Variants in MYO5A observed in about 807,000 individuals in gnomAD.
MYO5A encodes the protein unconventional myosin-Va.
A neutral mutation model predicts 249.7 loss-of-function variants in MYO5A; 98 were observed. That is an observed-to-expected ratio of 0.39 (90% CI 0.33 to 0.46). The LOEUF is 0.46. Ranked by LOEUF, MYO5A falls within the 20% of genes least tolerant of loss-of-function variation. MYO5A has a pLI of 0.98. For missense variants in MYO5A, 1,696 were observed against 2,308.8 expected (o/e 0.73, Z 5.44); for synonymous variants, 778 against 810.6 (o/e 0.96, Z 0.68).
intron 1 of MYO5A, among the ~76,000 whole-genome samples, chr15:52,481,546 C>T (rs922289084): frequency 6.6e-6 from 1 of 152,100 alleles, no homozygotes; most frequent in South Asian, 2.1e-4. Flanking sequence ...GCCATGGGAG[C>T]CCAGTGGAGT....
intron 34 of MYO5A, among the ~76,000 whole-genome samples, chr15:52,334,840 G>T (rs547579330): frequency 4.6e-5 from 7 of 152,326 alleles, no homozygotes; most frequent in African/African-American, 1.7e-4. Flanking sequence ...GACCATAAAA[G>T]ATGTCGGCCA....
In MYO5A at chr15:52,323,457, A is replaced by G. The variant is rs1364185652; in HGVS notation, c.4711-13T>C. On this transcript the variant is annotated splice_polypyrimidine_tract_variant and intron_variant, in intron 36 of 41. Coordinates refer to ENST00000399233, the MANE Select transcript of MYO5A (RefSeq NM_001382347.1). ...CATCACCTCTTTTCTGAAAGAGAGA[A>G]TAAGTCTAAACTTGCCTTTTCCTTA... 3.7e-6 allele frequency: 6 copies of G among 1,604,828 alleles called. No individual in the cohort carries two copies. The highest frequency in any genetic ancestry group is 1.3e-5 in the African/African-American group (1 of 74,716).
chr15:52,496,971 T>A (rs2077050254), intron 1 of MYO5A, among the ~76,000 whole-genome samples: 1 of 152,160 alleles, frequency 6.6e-6, no homozygotes, highest in South Asian at 2.1e-4. Context: ...AAACAGCTTT[T>A]TTTTTCAGAC....
At chr15:52,500,959 T>A (rs2077143201) in intron 1 of MYO5A, among the ~76,000 whole-genome samples, 1 of 151,928 alleles carries the variant, frequency 6.6e-6, no homozygotes, top group South Asian at 2.1e-4. Flanking sequence ...ATTGTGTGTA[T>A]ACACAAAATC....
intron 11 of MYO5A, 69 bp from the exon 12 acceptor site, chr15:52,392,139 C>G: frequency 6.9e-7 from 1 of 1,456,964 alleles, no homozygotes; most frequent in East Asian, 2.3e-5. Context: ...CAAGATGATA[C>G]CAACATAATT....
In MYO5A at chr15:52,375,356, A is replaced by G; in HGVS notation, c.2525T>C (p.Ile842Thr). 6 of 1,614,144 alleles carry G rather than the reference A, an allele frequency of 3.7e-6. No individual in the cohort carries two copies. Among genetic ancestry groups the G allele is most frequent in the Non-Finnish European group, 5.1e-6 (6 of 1,179,990 alleles). The change falls in exon 20 of 42, where the codon ATC becomes ACC. Residue 842 changes from isoleucine to threonine, a missense_variant. Physicochemically the swap from Ile to Thr is moderately conservative, Grantham distance 89. Transcript: ENST00000399233. ...RRYKIRRAAT[I>T]VLQSYLRGFL... ...GCCTCGCAAGTAAGACTGAAGAACGATAGTGGCAGCTCGTCTAATCTTGTA... is the reference window on the plus strand; with the variant it reads ...GCCTCGCAAGTAAGACTGAAGAACGGTAGTGGCAGCTCGTCTAATCTTGTA...
chr15:52,426,595 T>C (rs1211396119), intron 3 of MYO5A, among the ~76,000 whole-genome samples: 1 of 152,150 alleles, frequency 6.6e-6, no homozygotes, highest in Non-Finnish European at 1.5e-5. Flanking sequence ...CCCAGGTAGC[T>C]GGGACTATGG....
chr15:52,453,193 A>C (rs1490448766), intron 1 of MYO5A, among the ~76,000 whole-genome samples: 1 of 152,186 alleles, frequency 6.6e-6, no homozygotes, highest in Non-Finnish European at 1.5e-5. Context: ...AAAAGAAGCA[A>C]ATAACATATA....
rs549240307 is a variant in MYO5A, at chr15:52,476,406, T to G, written c.28-43121A>C. Among the ~76,000 whole-genome samples the G allele has an allele frequency of 1.7e-4, 26 of 152,358 alleles. No homozygotes were observed. The Middle Eastern group carries it at 0.01, about 60-fold the overall frequency. On this transcript the variant is annotated intron_variant, in intron 1 of 41. Transcript: ENST00000399233. Reference sequence around the variant, plus strand: ...AGCCCATTTACATTTAAGGTTAATATTCTTATGGGTGAATTTGATCCTGTC... The same window carrying G: ...AGCCCATTTACATTTAAGGTTAATAGTCTTATGGGTGAATTTGATCCTGTC...
In MYO5A at chr15:52,402,840, G is replaced by A. The variant is rs117383731; in HGVS notation, c.1053+2447C>T. Among the ~76,000 whole-genome samples the A allele has an allele frequency of 9.7e-4, 147 of 151,890 alleles. 1 individual carries two copies. In the East Asian group the frequency reaches 0.026, roughly 27 times the overall value. ...AGACCAGGCGACAGAGCAAGACTCC[G>A]TCTCAAAAAGAAAAAAACAAAAAAA... On this transcript the variant is annotated intron_variant, in intron 9 of 41. Transcript: ENST00000399233.
chr15:52,346,210 GA>G, intron 30 of MYO5A, 150 bp downstream of exon 30: 1 of 637,044 alleles, frequency 1.6e-6, no homozygotes, highest in South Asian at 1.8e-5. Context: ...ATCTTAACTA[GA>G]AATACACTGG....
Position 52,372,283 on chromosome 15 carries a change from C to T in MYO5A, c.2658G>A (p.Met886Ile), listed in dbSNP as rs373158952. ...WLARTHYKRS[M>I]HAIIYLQCCF... The stretch of plus-strand genomic sequence containing the variant: ...AGCACTGAAGGTAGATGATGGCATG[C>T]ATGCTCCTCTTGTAGTGTGTGCGGG... Residue 886 changes from methionine (M) to isoleucine (I), a missense_variant, in exon 21 of 42, where the codon ATG becomes ATA. Coordinates refer to ENST00000399233, the MANE Select transcript of MYO5A (RefSeq NM_001382347.1). The T allele has an allele frequency of 2.2e-5, 36 of 1,610,962 alleles. No individual in the cohort carries two copies. Among genetic ancestry groups the T allele is most frequent in the Non-Finnish European group, 2.8e-5 (33 of 1,180,032 alleles).
chr15:52,404,164 C>T (rs1014981804), intron 9 of MYO5A, among the ~76,000 whole-genome samples: 1 of 150,776 alleles, frequency 6.6e-6, no homozygotes, highest in African/African-American at 2.4e-5. Context: ...ACTCAGGAGG[C>T]TGAGGCAGAA....
chr15:52,482,543 A>G (rs16964990), intron 1 of MYO5A, among the ~76,000 whole-genome samples: 5,493 of 152,272 alleles, frequency 0.036, 310 homozygotes, highest in African/African-American at 0.12. Context: ...CACCATAAGT[A>G]CTGGCTATAA....
intron 4 of MYO5A, among the ~76,000 whole-genome samples, chr15:52,425,579 C>G (rs1595658481): frequency 6.6e-6 from 1 of 152,106 alleles, no homozygotes; most frequent in African/African-American, 2.4e-5. Context: ...AGGCTAGTCT[C>G]GAACTCCTGA....
In MYO5A at chr15:52,319,338, T is replaced by C. The variant is rs1263330464; in HGVS notation, c.4956A>G (p.Ser1652=). 3 of 1,613,882 alleles carry C rather than the reference T, an allele frequency of 1.9e-6. No individual in the cohort carries two copies. The highest frequency in any genetic ancestry group is 2.5e-6 in the Non-Finnish European group (3 of 1,179,932). ...GAATCGTTTCATGTTCCAGCATGCC[T>C]GAGACTGCAGGAGTATTTCAATTGT... ...LENILQPMIV[S]GMLEHETIQG... is the part of the protein sequence containing the mutation. The change falls in exon 39 of 42, where the codon TCA becomes TCG. Residue 1652 remains serine (S), a synonymous_variant. Transcript: ENST00000399233.
intron 34 of MYO5A, among the ~76,000 whole-genome samples, chr15:52,333,655 G>T (rs527805551): frequency 7.9e-5 from 12 of 152,246 alleles, no homozygotes; most frequent in African/African-American, 2.9e-4. Context: ...TCTCCATTTA[G>T]CTATATAGTT....
intron 1 of MYO5A, among the ~76,000 whole-genome samples, chr15:52,490,589 G>C (rs144098383): frequency 6.6e-6 from 1 of 152,228 alleles, no homozygotes; most frequent in African/African-American, 2.4e-5. Context: ...GATTCATAGG[G>C]AGAGAAAGTA....
intron 1 of MYO5A, among the ~76,000 whole-genome samples, chr15:52,498,132 TAAAG>T: frequency 6.6e-6 from 1 of 151,880 alleles, no homozygotes; most frequent in Middle Eastern, 3.2e-3. Context: ...AATTGTACAA[TAAAG>T]AAAAATCAAC....
Sources: gnomAD v4.1 joint callset for allele counts (sites outside exome capture counted in the v4.1 genomes callset) on GRCh38, gnomAD v4.1.1 for gene constraint, MANE v1.5 for transcripts, NCBI Gene and HGNC (gene_info 2026-07-23, HGNC 2026-07-21) for gene names.